The following TMC5 variants were observed in gnomAD, a reference collection of about 807,000 sequenced individuals.
TMC5 encodes the protein transmembrane channel-like protein 5.
A neutral mutation model predicts 110.5 loss-of-function variants in TMC5; 86 were observed. The observed-to-expected ratio is 0.78, with a 90% CI of 0.65 to 0.93. The LOEUF is 0.93. Among genes scored for constraint, TMC5 ranks in the 40% least tolerant of loss-of-function variants. The pLI is 0.00. For synonymous variants in TMC5, 455 were observed against 439.5 expected, an observed-to-expected ratio of 1.04 and a Z score of -0.44; for missense variants, 1,144 against 1,222.8, an observed-to-expected ratio of 0.94 and a Z score of 0.96.
chr16:19,496,944 C>G (rs1969071823), intron 20 of TMC5, among the ~76,000 whole-genome samples, 177 bp from the exon 21 acceptor site: 1 of 148,562 alleles, frequency 6.7e-6, no homozygotes, highest in Non-Finnish European at 1.5e-5. Context: ...AATGGAATCA[C>G]TCTCCCTAAA....
chr16:19,488,907 T>C (rs116145946), intron 17 of TMC5, among the ~76,000 whole-genome samples: 2,304 of 152,328 alleles, frequency 0.015, 70 homozygotes, highest in African/African-American at 0.053. Context: ...GAATAAGCCA[T>C]GGTTGAATGA....
intron 2 of TMC5, among the ~76,000 whole-genome samples, chr16:19,434,632 A>G (rs1967302213): frequency 6.6e-6 from 1 of 151,212 alleles, no homozygotes; most frequent in African/African-American, 2.4e-5. Flanking sequence ...CCCATTTCCT[A>G]TTTCTTTAAT....
At chr16:19,477,652 C>T (rs1436933843) in intron 13 of TMC5, 134 bp downstream of exon 13, 2 of 666,496 alleles carry the variant, frequency 3.0e-6, no homozygotes, top group East Asian at 3.0e-5. Flanking sequence ...GAAAACTAAT[C>T]TGGAAAGCAA....
upstream of TMC5, among the ~76,000 whole-genome samples, chr16:19,415,923 G>A (rs957204334): frequency 3.9e-5 from 6 of 152,206 alleles, no homozygotes; most frequent in African/African-American, 1.4e-4. Flanking sequence ...GCTCATGCCT[G>A]TAATCCCAAC....
intron 15 of TMC5, among the ~76,000 whole-genome samples, chr16:19,482,682 G>A (rs941543584): frequency 6.6e-6 from 1 of 152,154 alleles, no homozygotes; most frequent in East Asian, 1.9e-4. Flanking sequence ...AGAGGGCTGT[G>A]TGTTTCTTAT....
At chr16:19,415,037 A>G (rs1966869827), upstream of TMC5, among the ~76,000 whole-genome samples, 1 of 152,234 alleles carries the variant, frequency 6.6e-6, no homozygotes, top group African/African-American at 2.4e-5. Flanking sequence ...TCCAAAGGAT[A>G]TCTAAGCAAA....
chr16:19,429,281 A>G (rs753495600), intron 1 of TMC5, among the ~76,000 whole-genome samples: 7 of 152,206 alleles, frequency 4.6e-5, no homozygotes, highest in Non-Finnish European at 7.3e-5. Flanking sequence ...ATGGATCTCA[A>G]TACTAACAAA....
intron 1 of TMC5, among the ~76,000 whole-genome samples, chr16:19,429,583 C>A (rs1315487942): frequency 6.6e-6 from 1 of 152,266 alleles, no homozygotes; most frequent in African/African-American, 2.4e-5. Flanking sequence ...CTCTGGCAAC[C>A]ACTCGTCCAT....
intron 14 of TMC5, among the ~76,000 whole-genome samples, chr16:19,481,098 T>C (rs1439672000): frequency 6.6e-6 from 1 of 152,108 alleles, no homozygotes; most frequent in African/African-American, 2.4e-5. Flanking sequence ...AATTTAAATG[T>C]TCAGGGTAAC....
At chr16:19,469,295 A>T (rs1161266391) in intron 9 of TMC5, among the ~76,000 whole-genome samples, 1 of 151,816 alleles carries the variant, frequency 6.6e-6, no homozygotes, top group Admixed American at 6.6e-5. Flanking sequence ...TGGAGGTTGC[A>T]GTGAGCAGAG....
At chr16:19,451,730 G>T (rs1282259675) in intron 5 of TMC5, among the ~76,000 whole-genome samples, 1 of 151,988 alleles carries the variant, frequency 6.6e-6, no homozygotes, top group Non-Finnish European at 1.5e-5. Flanking sequence ...TAGGACAAAG[G>T]CGCAGTCCCC....
chr16:19,438,844 G>T (rs1967416067), intron 2 of TMC5, among the ~76,000 whole-genome samples: 1 of 152,208 alleles, frequency 6.6e-6, no homozygotes, highest in South Asian at 2.1e-4. Flanking sequence ...AGGTAACAGG[G>T]TTTAATCAAA....
intron 18 of TMC5, 62 bp downstream of exon 18, chr16:19,490,630 T>G (rs1186322707): frequency 1.9e-6 from 3 of 1,563,546 alleles, no homozygotes; most frequent in Non-Finnish European, 2.6e-6. Context: ...GAAACAGCAG[T>G]AGGGATGTTT....
At chr16:19,491,606 G>GCA (rs1968908543) in intron 18 of TMC5, among the ~76,000 whole-genome samples, 1 of 146,746 alleles carries the variant, frequency 6.8e-6, no homozygotes, top group Non-Finnish European at 1.5e-5. Context: ...CGCGATCTCA[G>GCA]CACACTGCAA....
At chr16:19,465,099 TCCTTCCTTCCTTCCTC>T (rs1172061221) in intron 8 of TMC5, among the ~76,000 whole-genome samples, 1,714 of 96,138 alleles carry the variant, frequency 0.018, 20 homozygotes, top group African/African-American at 0.063. Flanking sequence ...CTTCCTTCCT[TCCTTCCTTCCTTCCTC>T]CCTCCCTCCC....
Position 19,444,200 on chromosome 16 carries a change from T to C in TMC5, c.908T>C (p.Met303Thr). 1 of 1,614,032 alleles carries C rather than the reference T, an allele frequency of 6.2e-7. No individual in the cohort carries two copies. The highest frequency in any genetic ancestry group is 8.5e-7 in the Non-Finnish European group (1 of 1,180,014). Residue 303 changes from methionine (M) to threonine (T), a missense_variant, in exon 4 of 22, where the codon ATG becomes ACG. Transcript: ENST00000542583. ...GGCATTGAAATGGCATCCATGGAGATGGCAAACTCATATGGCCACTCTCTG... is the reference window on the plus strand; with the variant it reads ...GGCATTGAAATGGCATCCATGGAGACGGCAAACTCATATGGCCACTCTCTG... ...PEGIEMASME[M>T]ANSYGHSLPG...
At chr16:19,414,296 A>G (rs1966866237), upstream of TMC5, among the ~76,000 whole-genome samples, 1 of 152,156 alleles carries the variant, frequency 6.6e-6, no homozygotes, top group Non-Finnish European at 1.5e-5. Flanking sequence ...TTGGAAATAG[A>G]TCTTTTTCTT....
At chr16:19,441,372 T>G (rs1271387231) in intron 3 of TMC5, among the ~76,000 whole-genome samples, 1 of 151,706 alleles carries the variant, frequency 6.6e-6, no homozygotes, top group African/African-American at 2.4e-5. Flanking sequence ...CAGGTTGGAG[T>G]GCAGTGGCAC....
At chr16:19,448,863 C>CT (rs761356076) in intron 4 of TMC5, among the ~76,000 whole-genome samples, 2,439 of 128,064 alleles carry the variant, frequency 0.019, 32 homozygotes, top group East Asian at 0.027. Flanking sequence ...GTATTTTTTT[C>CT]TTTTTTTTTT....
Sources: allele counts gnomAD v4.1 joint callset (sites outside exome capture counted in the v4.1 genomes callset), GRCh38; gene constraint gnomAD v4.1.1; transcripts MANE v1.5; gene names NCBI Gene and HGNC (gene_info 2026-07-23, HGNC 2026-07-21).